DPP6: variants seen among roughly 807,000 people sequenced by gnomAD.
The protein encoded by DPP6 is A-type potassium channel modulatory protein DPP6.
Under a neutral mutation model 122.6 loss-of-function variants are expected in DPP6, and 69 were observed. The ratio of observed to expected loss-of-function variants is 0.56; its 90% CI spans 0.46 to 0.69. The LOEUF (loss-of-function observed/expected upper bound fraction) is 0.69, where lower values mean the gene tolerates loss of function less well. Ranked by LOEUF, DPP6 falls within the 30% of genes least tolerant of loss-of-function variation. The probability of loss-of-function intolerance (pLI) is 0.00; values close to 1 mark genes in which losing one functional copy is unlikely to be tolerated. For synonymous variants in DPP6, 418 were observed against 433.1 expected (o/e 0.97, Z 0.43); for missense variants, 928 against 1,116.9 (o/e 0.83, Z 2.41).
At chr7:154,186,094 C>T (rs1798340947) in intron 1 of DPP6, among the ~76,000 whole-genome samples, 2 of 152,296 alleles carry the variant, frequency 1.3e-5, no homozygotes, top group African/African-American at 4.8e-5. Flanking sequence ...CCTGTATTAC[C>T]CATCAGTGAA....
chr7:154,393,358 T>C (rs990293716), intron 1 of DPP6, among the ~76,000 whole-genome samples: 3 of 152,246 alleles, frequency 2.0e-5, no homozygotes, highest in Admixed American at 6.5e-5. Context: ...ACGAGCCTAG[T>C]GCAAACTGAG....
intron 7 of DPP6, among the ~76,000 whole-genome samples, chr7:154,678,111 A>T (rs1431857183): frequency 6.6e-6 from 1 of 152,206 alleles, no homozygotes; most frequent in East Asian, 1.9e-4. Context: ...GTGTCTAGCT[A>T]AAGGTTTGTA....
intron 1 of DPP6, among the ~76,000 whole-genome samples, chr7:153,895,730 A>G (rs73163426): frequency 0.11 from 838 of 7,610 alleles, 9 homozygotes; most frequent in Middle Eastern, 0.33. Flanking sequence ...GCATGCGTGC[A>G]CACACACACA....
At position 154,727,825 on chromosome 7, in the gene DPP6, G is replaced by A. The variant is rs768668912; in HGVS notation, c.821G>A (p.Arg274His). 3.3e-5 allele frequency: 54 copies of A among 1,613,662 alleles called. No homozygotes were observed. The highest frequency in any genetic ancestry group is 4.5e-5 in the East Asian group (2 of 44,892). ...GCACATGTCGGGAAACAGGCCATCC[G>A]TGTGGTCTCCACTGGCAAGGAAGGT... ...YCAHVGKQAIRVVSTGKEGVI... is the reference protein window; with the variant it reads ...YCAHVGKQAIHVVSTGKEGVI... Residue 274 changes from arginine to histidine, a missense_variant, in exon 8 of 26, where the codon CGT (arginine) becomes CAT (histidine). Physicochemically the swap from Arg to His is conservative, Grantham distance 29. Coordinates refer to ENST00000377770, the MANE Select transcript of DPP6 (RefSeq NM_130797.4).
the DPP6 span, among the ~76,000 whole-genome samples, chr7:153,809,945 G>T: frequency 6.6e-6 from 1 of 152,032 alleles, no homozygotes; most frequent in Admixed American, 6.5e-5. Flanking sequence ...CTCTCCCAAG[G>T]AGTATCTTTG....
intron 20 of DPP6, 191 bp downstream of exon 20, chr7:154,876,291 AT>A: frequency 2.9e-6 from 3 of 1,028,022 alleles, no homozygotes; most frequent in Non-Finnish European, 3.9e-6. Flanking sequence ...TCCTAGGGAC[AT>A]TTATAACTAG....
At chr7:153,856,071 G>A in the DPP6 span, among the ~76,000 whole-genome samples, 1 of 152,166 alleles carries the variant, frequency 6.6e-6, no homozygotes, top group East Asian at 1.9e-4. Flanking sequence ...AGCTTTGTGA[G>A]CAGGCCCTTT....
At chr7:154,188,503 G>T (rs1175191504) in intron 1 of DPP6, among the ~76,000 whole-genome samples, 1 of 152,036 alleles carries the variant, frequency 6.6e-6, no homozygotes, top group Admixed American at 6.6e-5. Flanking sequence ...GTGTAATGTG[G>T]GGGTCTCTAA....
Position 154,550,725 on chromosome 7 carries a change from G to A in DPP6, c.552+10099G>A, listed in dbSNP as rs541284460. On this transcript the variant is annotated intron_variant, in intron 4 of 25. Coordinates refer to ENST00000377770, the MANE Select transcript of DPP6 (RefSeq NM_130797.4). ...CACAAACACAAATAAAGATTGTACA[G>A]CTTTCATTTTAGAATTTTAGTTCTT... Among the ~76,000 whole-genome samples the A allele has an allele frequency of 2.7e-5, 4 of 149,882 alleles. No homozygotes were observed. The South Asian group carries it at 8.4e-4, about 32-fold the overall frequency.
At chr7:153,781,159 A>G in the DPP6 span, among the ~76,000 whole-genome samples, 3 of 152,232 alleles carry the variant, frequency 2.0e-5, no homozygotes, top group East Asian at 5.8e-4. Flanking sequence ...TATGCACGTC[A>G]CGATAATGAA....
intron 1 of DPP6, among the ~76,000 whole-genome samples, chr7:154,156,028 C>T (rs1226885622): frequency 1.3e-5 from 2 of 152,268 alleles, no homozygotes; most frequent in African/African-American, 4.8e-5. Flanking sequence ...GCCTGGCTCA[C>T]AGAGCCATCT....
intron 1 of DPP6, among the ~76,000 whole-genome samples, chr7:154,419,775 A>G (rs74671769): frequency 0.058 from 8,823 of 152,142 alleles, 809 homozygotes; most frequent in African/African-American, 0.2. Flanking sequence ...TTTTTTGAGG[A>G]ACCTCTATAC....
rs963772849 is a variant in DPP6 at position 154,662,262 on chromosome 7, A to G, written c.681-7098A>G. 7.9e-5 allele frequency among the ~76,000 whole-genome samples: 12 copies of G among 151,452 alleles called. No individual in the cohort carries two copies. The South Asian group carries it at 2.1e-3, about 26-fold the overall frequency. On this transcript the variant is annotated intron_variant, in intron 6 of 25. Coordinates refer to ENST00000377770, the MANE Select transcript of DPP6 (RefSeq NM_130797.4). ...ATGGCGTATTAGCCATAGTGTTCAT[A>G]TAGTCATGGTGAATCAGCATGGCAT... is the stretch of plus-strand genomic sequence containing the variant.
At chr7:153,934,410 T>G (rs898231315) in intron 1 of DPP6, among the ~76,000 whole-genome samples, 2 of 152,038 alleles carry the variant, frequency 1.3e-5, no homozygotes, top group African/African-American at 4.8e-5. Context: ...TGGAATAAAA[T>G]AATAGTTGTG....
intron 18 of DPP6, among the ~76,000 whole-genome samples, chr7:154,868,737 C>T (rs941508642): frequency 3.3e-5 from 5 of 152,236 alleles, no homozygotes; most frequent in African/African-American, 7.2e-5. Flanking sequence ...CTCCCACCTC[C>T]GCACAGATGG....
intron 7 of DPP6, among the ~76,000 whole-genome samples, chr7:154,717,381 A>AAC (rs147112173): frequency 0.016 from 2,354 of 149,398 alleles, 39 homozygotes; most frequent in African/African-American, 0.044. Flanking sequence ...CTTGCACACA[A>AAC]ACACACACAC....
chr7:154,609,894 T>C (rs937008), intron 5 of DPP6, among the ~76,000 whole-genome samples: 61,481 of 152,100 alleles, frequency 0.4, 13,439 homozygotes, highest in East Asian at 0.65. Context: ...CATTCACTCC[T>C]TTCCAGAAAT....
At chr7:154,129,939 G>GGT (rs1271847429) in intron 1 of DPP6, among the ~76,000 whole-genome samples, 1 of 151,462 alleles carries the variant, frequency 6.6e-6, no homozygotes, top group Non-Finnish European at 1.5e-5. Flanking sequence ...AGCTGGGCAT[G>GGT]GTGACACACG....
At chr7:154,210,304 A>G (rs1799672709) in intron 1 of DPP6, among the ~76,000 whole-genome samples, 1 of 152,136 alleles carries the variant, frequency 6.6e-6, no homozygotes, top group South Asian at 2.1e-4. Context: ...GTCTTCCCTG[A>G]GCAAACCTGT....
Sources: allele counts gnomAD v4.1 joint callset (sites outside exome capture counted in the v4.1 genomes callset), GRCh38; gene constraint gnomAD v4.1.1; transcripts MANE v1.5; gene names NCBI Gene and HGNC (gene_info 2026-07-23, HGNC 2026-07-21).